The following CYP11A1 variants were observed in gnomAD, a reference collection of about 807,000 sequenced individuals.
CYP11A1 encodes the protein cytochrome P450 family 11 subfamily A member 1.
In CYP11A1, 25 loss-of-function variants were observed where a neutral mutation model predicts 51.9. The ratio of observed to expected loss-of-function variants is 0.48; its 90% CI spans 0.35 to 0.67. The LOEUF (loss-of-function observed/expected upper bound fraction) is 0.67, where lower values mean the gene tolerates loss of function less well. Among genes scored for constraint, CYP11A1 ranks in the 30% least tolerant of loss-of-function variants. CYP11A1 has a pLI of 0.00. For missense variants in CYP11A1, 578 were observed against 680.9 expected (o/e 0.85, Z 1.68); for synonymous variants, 245 against 262.1 (o/e 0.93, Z 0.63).
At position 74,343,851 on chromosome 15, in the gene CYP11A1, C is replaced by T. The variant is rs531719978; in HGVS notation, c.767G>A (p.Arg256His). The stretch of plus-strand genomic sequence containing the variant: ...CTTCCAGGTCTTGGTCCTGAACAGA[C>T]GGAACAGGTCTGGGGGAAGGTTGAG... ...PMLNLPPDLF[R>H]LFRTKTWKDH... Residue 256 changes from arginine (R) to histidine (H), a missense_variant, in exon 4 of 9, where the codon CGT (arginine) becomes CAT (histidine). By Grantham distance (29) the Arg-to-His change is conservative. Coordinates refer to ENST00000268053, the MANE Select transcript of CYP11A1 (RefSeq NM_000781.3). 5.6e-6 allele frequency: 9 copies of T among 1,613,788 alleles called. No homozygotes were observed. The highest frequency in any genetic ancestry group is 5.0e-5 in the Admixed American group (3 of 60,030).
chr15:74,359,750 C>G (rs776791112), intron 1 of CYP11A1: 1 of 152,192 alleles, frequency 6.6e-6, no homozygotes, highest in Non-Finnish European at 1.5e-5. Flanking sequence ...TCACACAAAG[C>G]CTGTTCAGTG....
chr15:74,338,445 C>T (rs543468265), intron 8 of CYP11A1, 126 bp downstream of exon 8: 1 of 993,348 alleles, frequency 1.0e-6, no homozygotes, highest in Non-Finnish European at 1.6e-6. Context: ...GAGCAAGTAA[C>T]TGGAGGTAGA....
intron 1 of CYP11A1, chr15:74,365,914 C>T (rs2060730398): frequency 2.0e-6 from 2 of 985,728 alleles, no homozygotes; most frequent in African/African-American, 1.7e-5. Context: ...GCCCCCGTAA[C>T]ACCTCAAAGC....
intron 1 of CYP11A1, among the ~76,000 whole-genome samples, chr15:74,348,866 T>A (rs1227763631): frequency 6.6e-6 from 1 of 152,078 alleles, no homozygotes; most frequent in African/African-American, 2.4e-5. Context: ...GCCAAGTACC[T>A]GGGACTACAG....
At chr15:74,347,786 C>T in intron 2 of CYP11A1, 114 bp downstream of exon 2, 2 of 1,004,862 alleles carry the variant, frequency 2.0e-6, no homozygotes, top group Non-Finnish European at 3.1e-6. Context: ...CACCTAGAGG[C>T]CCTGCTAGGA....
intron 1 of CYP11A1, among the ~76,000 whole-genome samples, chr15:74,357,155 C>T (rs1390588489): frequency 2.6e-5 from 4 of 152,176 alleles, no homozygotes; most frequent in African/African-American, 9.7e-5. Flanking sequence ...CCTCCACAAC[C>T]CATTATTCTG....
intron 1 of CYP11A1, among the ~76,000 whole-genome samples, chr15:74,357,808 C>G (rs1235162429): frequency 6.6e-6 from 1 of 152,230 alleles, no homozygotes; most frequent in East Asian, 1.9e-4. Context: ...TGCTTTAATA[C>G]TTTTAGAGGC....
At chr15:74,360,090 C>T (rs916582782) in intron 1 of CYP11A1, among the ~76,000 whole-genome samples, 1 of 152,104 alleles carries the variant, frequency 6.6e-6, no homozygotes, top group African/African-American at 2.4e-5. Flanking sequence ...ATGTGGTGTA[C>T]ATTATGTTCA....
intron 2 of CYP11A1, among the ~76,000 whole-genome samples, chr15:74,347,015 A>G (rs576156846): frequency 1.2e-3 from 180 of 152,140 alleles, no homozygotes; most frequent in African/African-American, 4.2e-3. Flanking sequence ...TGTGTTGCCC[A>G]GGGTGGTCTT....
intron 1 of CYP11A1, among the ~76,000 whole-genome samples, chr15:74,357,004 C>T (rs1266535907): frequency 2.0e-5 from 3 of 152,316 alleles, no homozygotes; most frequent in South Asian, 2.1e-4. Flanking sequence ...ATAATCTCTC[C>T]TTATAATTCC....
chr15:74,345,062 A>G lies in CYP11A1; in HGVS notation c.607T>C (p.Phe203Leu), dbSNP rs778329815. The G allele has an allele frequency of 6.2e-6, 10 of 1,613,818 alleles. No homozygotes were observed. ...CCCTTACACTCAAAGGCAAAGCGGA[A>G]CAGGTCATCACTGATGTCCCCCGAG... ...NYSGDISDDL[F>L]RFAFESITNV... is the part of the protein sequence containing the mutation. Residue 203 changes from phenylalanine to leucine, a missense_variant, in exon 3 of 9, where the codon TTC (phenylalanine) becomes CTC (leucine). Transcript: ENST00000268053. This position sits in a 1 kb window ranked among gnomAD's most constrained non-coding sequence, Gnocchi z 4.3.
intron 1 of CYP11A1, chr15:74,362,641 G>A (rs2060714196): frequency 6.6e-6 from 1 of 152,042 alleles, no homozygotes; most frequent in Non-Finnish European, 1.5e-5. Flanking sequence ...AACTAACTAG[G>A]GAAATTTCTC....
chr15:74,352,843 T>C (rs1040894453), intron 1 of CYP11A1, among the ~76,000 whole-genome samples: 1 of 152,196 alleles, frequency 6.6e-6, no homozygotes, highest in Non-Finnish European at 1.5e-5. Context: ...AAAGTAAAAA[T>C]TGAGTACAGC....
At position 74,339,587 on chromosome 15, in the gene CYP11A1, C is replaced by T; in HGVS notation, c.1157G>A (p.Arg386Lys). 6.2e-7 allele frequency: 1 copy of T among 1,613,880 alleles called. No individual in the cohort carries two copies. The highest frequency in any genetic ancestry group is 8.5e-7 in the Non-Finnish European group (1 of 1,179,812). ...GCGGCATGGGTGGTTGTGGGCTTGC[C>T]TTAGTGTCTCCTTGATGCTGGCTTT... ...LLKASIKETL[R>K]LHPISVTLQR... The change falls in exon 6 of 9, where the codon AGA becomes AAA. Residue 386 changes from arginine to lysine, a missense_variant and splice_region_variant. Physicochemically the swap from Arg to Lys is conservative, Grantham distance 26. Coordinates refer to ENST00000268053, the MANE Select transcript of CYP11A1 (RefSeq NM_000781.3).
intron 3 of CYP11A1, among the ~76,000 whole-genome samples, chr15:74,344,717 C>A (rs1408157004): frequency 1.3e-5 from 2 of 152,204 alleles, no homozygotes; most frequent in Non-Finnish European, 2.9e-5. Flanking sequence ...TGGAGACTTG[C>A]AGAATGAAGG....
intron 1 of CYP11A1, among the ~76,000 whole-genome samples, chr15:74,355,609 C>T (rs1567056177): frequency 1.3e-5 from 2 of 152,138 alleles, no homozygotes; most frequent in Non-Finnish European, 2.9e-5. Flanking sequence ...AATTCTTCCT[C>T]AGTTTCTGCT....
At chr15:74,351,175 T>C (rs1343709928) in intron 1 of CYP11A1, among the ~76,000 whole-genome samples, 1 of 152,134 alleles carries the variant, frequency 6.6e-6, no homozygotes, top group Non-Finnish European at 1.5e-5. Context: ...ATGTTTTTTT[T>C]CTCTTTTTTT....
chr15:74,361,784 C>G, intron 1 of CYP11A1: 1 of 1,235,002 alleles, frequency 8.1e-7, no homozygotes. Context: ...GCAAGTCCAT[C>G]TATGGGGAGA....
intron 5 of CYP11A1, among the ~76,000 whole-genome samples, chr15:74,340,409 T>G (rs776710521): frequency 2.0e-4 from 31 of 152,146 alleles, no homozygotes; most frequent in Non-Finnish European, 4.6e-4. Flanking sequence ...GATTCCTCAA[T>G]GATGACAAAC....
Sources: gnomAD v4.1 joint callset for allele counts (sites outside exome capture counted in the v4.1 genomes callset) on GRCh38, gnomAD v4.1.1 for gene constraint, Gnocchi (gnomAD v3.1) non-coding constraint, MANE v1.5 for transcripts, NCBI Gene and HGNC (gene_info 2026-07-23, HGNC 2026-07-21) for gene names.